The following ERCC8 variants were observed in gnomAD, a reference collection of about 807,000 sequenced individuals.
ERCC8 encodes the protein DNA excision repair protein ERCC-8.
In ERCC8, 52 loss-of-function variants were observed where a neutral mutation model predicts 54.9. That is an observed-to-expected ratio of 0.95 (90% CI 0.76 to 1.19). The LOEUF (loss-of-function observed/expected upper bound fraction) is 1.19, where lower values mean the gene tolerates loss of function less well. Ranked by LOEUF, ERCC8 falls within the 50% of genes most tolerant of loss-of-function variation. The pLI, the probability that ERCC8 is intolerant of heterozygous loss-of-function variation, is 0.00. For missense variants in ERCC8, 514 were observed against 466.1 expected (o/e 1.10, Z -0.95); for synonymous variants, 146 against 157.2 (o/e 0.93, Z 0.53).
In ERCC8 at chr5:60,870,396, G is replaced by A. The variant is rs1250973922; in HGVS notation, c.*4219C>T. Among the ~76,000 whole-genome samples, 1 of 144,960 alleles carries A rather than the reference G, an allele frequency of 6.9e-6. No individual in the cohort carries two copies. Among genetic ancestry groups the A allele is most frequent in the Non-Finnish European group, 1.5e-5 (1 of 67,196 alleles). On this transcript the variant is annotated 3_prime_UTR_variant, in exon 12 of 12. Coordinates refer to ENST00000676185, the MANE Select transcript of ERCC8 (RefSeq NM_000082.4). Reference sequence around the variant, plus strand: ...CGGTGGCTCACGCCTGTAAATCCCAGCACTTTGGGAGGCCGAGGCTGGTGG... The same window carrying A: ...CGGTGGCTCACGCCTGTAAATCCCAACACTTTGGGAGGCCGAGGCTGGTGG...
At chr5:60,883,697 G>C (rs552082103) in intron 11 of ERCC8, among the ~76,000 whole-genome samples, 16 of 152,158 alleles carry the variant, frequency 1.1e-4, no homozygotes, top group Non-Finnish European at 1.5e-4. Context: ...TGTATTGTGT[G>C]AATGTCAAAA....
intron 4 of ERCC8, among the ~76,000 whole-genome samples, chr5:60,907,088 T>C (rs969073585): frequency 6.6e-6 from 1 of 152,222 alleles, no homozygotes; most frequent in Non-Finnish European, 1.5e-5. Flanking sequence ...CATAAAAGAT[T>C]ATTCATTTCC....
At chr5:60,875,077 T>G (rs1407877571) in intron 11 of ERCC8, among the ~76,000 whole-genome samples, 1 of 152,224 alleles carries the variant, frequency 6.6e-6, no homozygotes, top group East Asian at 1.9e-4. Flanking sequence ...CAGTCTGACC[T>G]GACAGCCCAA....
At chr5:60,911,265 C>T (rs1383535389) in intron 4 of ERCC8, among the ~76,000 whole-genome samples, 7 of 151,852 alleles carry the variant, frequency 4.6e-5, no homozygotes, top group Admixed American at 3.9e-4. Flanking sequence ...TCTGTTGTGT[C>T]CTGACTTTTT....
intron 9 of ERCC8, chr5:60,893,606 G>A: frequency 4.8e-6 from 3 of 618,702 alleles, no homozygotes; most frequent in South Asian, 3.7e-5. Flanking sequence ...AGATAGGTTC[G>A]AATCCGCTTG....
At position 60,918,142 on chromosome 5, in the gene ERCC8, A is replaced by C. The variant is rs74405304; in HGVS notation, c.399+123T>G. On this transcript the variant is annotated intron_variant, in intron 4 of 11. Transcript: ENST00000676185. Reference sequence around the variant, plus strand: ...AACTCAAGTAGTCTAGCTCTTCTTAACCACTGTACTGCTTTCACATCTAAC... The same window carrying C: ...AACTCAAGTAGTCTAGCTCTTCTTACCCACTGTACTGCTTTCACATCTAAC... The C allele has an allele frequency of 7.0e-4, 551 of 783,624 alleles. 3 individuals are homozygous for C. In the African/African-American group the frequency reaches 8.4e-3, roughly 12 times the overall value. 48.5% of individuals were successfully genotyped at this position (783,624 alleles called of 1,614,324 possible).
At chr5:60,923,188 T>C (rs956336602) in intron 2 of ERCC8, among the ~76,000 whole-genome samples, 1 of 152,158 alleles carries the variant, frequency 6.6e-6, no homozygotes, top group African/African-American at 2.4e-5. Flanking sequence ...AGCTGGTCTA[T>C]TATATTGGTA....
chr5:60,925,571 G>A (rs1403712325), intron 2 of ERCC8, among the ~76,000 whole-genome samples: 1 of 152,148 alleles, frequency 6.6e-6, no homozygotes, highest in African/African-American at 2.4e-5. Flanking sequence ...TGGTTACTTT[G>A]GACTTATCCA....
At chr5:60,921,924 C>T (rs1013324142) in intron 3 of ERCC8, 130 bp downstream of exon 3, 4 of 538,100 alleles carry the variant, frequency 7.4e-6, no homozygotes, top group Admixed American at 6.3e-5. Flanking sequence ...CAAGGAACAG[C>T]CATGCAAATG....
chr5:60,937,013 C>T (rs192208161), intron 1 of ERCC8, among the ~76,000 whole-genome samples: 14 of 152,308 alleles, frequency 9.2e-5, no homozygotes, highest in African/African-American at 2.2e-4. Flanking sequence ...GTTGGGGCTT[C>T]CTGAGAGCCA....
intron 9 of ERCC8, chr5:60,892,920 C>T (rs920619952): frequency 5.9e-5 from 44 of 742,378 alleles, no homozygotes; most frequent in Non-Finnish European, 1.0e-4. Context: ...GATGTGGGTG[C>T]GCATTTCACC....
At position 60,867,081 on chromosome 5, in the gene ERCC8, C is replaced by T. The variant is rs1369919835; in HGVS notation, c.*7534G>A. 1 of 152,074 alleles carries T rather than the reference C, an allele frequency of 6.6e-6. No individual in the cohort carries two copies. Among genetic ancestry groups the T allele is most frequent in the Non-Finnish European group, 1.5e-5 (1 of 68,016 alleles). 9.4% of individuals were successfully genotyped at this position (152,074 alleles called of 1,614,324 possible). ...TCGATCTCCTGACCTCGTGATCCAT[C>T]CACCTCAGCCTCCCAAAGTGCTGGG... On this transcript the variant is annotated 3_prime_UTR_variant, in exon 12 of 12. Coordinates refer to ENST00000676185, the MANE Select transcript of ERCC8 (RefSeq NM_000082.4).
intron 11 of ERCC8, among the ~76,000 whole-genome samples, chr5:60,875,189 AT>A (rs1157064420): frequency 6.6e-6 from 1 of 152,204 alleles, no homozygotes; most frequent in Non-Finnish European, 1.5e-5. Flanking sequence ...GAATAATACC[AT>A]TTTTAGTCCA....
intron 11 of ERCC8, among the ~76,000 whole-genome samples, chr5:60,883,127 C>T (rs1363219113): frequency 6.6e-6 from 1 of 152,094 alleles, no homozygotes; most frequent in African/African-American, 2.4e-5. Flanking sequence ...CAAAATTATA[C>T]TTCATCATAA....
At chr5:60,938,092 T>A (rs1580051733) in intron 1 of ERCC8, among the ~76,000 whole-genome samples, 1 of 59,274 alleles carries the variant, frequency 1.7e-5, no homozygotes, top group Non-Finnish European at 4.4e-5. Flanking sequence ...TATATTTTAT[T>A]TTTTTTTTTT....
At chr5:60,884,508 T>C (rs1249739471) in intron 11 of ERCC8, among the ~76,000 whole-genome samples, 2 of 135,400 alleles carry the variant, frequency 1.5e-5, no homozygotes, top group African/African-American at 5.4e-5. Flanking sequence ...TATGTGTATG[T>C]ATATGTGTGT....
rs545028930 is a variant in ERCC8 at position 60,891,176 on chromosome 5, T to C, written c.844-90A>G. On this transcript the variant is annotated intron_variant, in intron 9 of 11. Coordinates refer to ENST00000676185, the MANE Select transcript of ERCC8 (RefSeq NM_000082.4). ...AGGAGAAATACTTAAAATATTATGC[T>C]ATAAAAAGGGCTCTTTTAAATTTAA... 1.4e-5 allele frequency: 12 copies of C among 862,582 alleles called. No homozygotes were observed. The South Asian group carries it at 1.6e-4, about 12-fold the overall frequency. 53.4% of individuals were successfully genotyped at this position (862,582 alleles called of 1,614,324 possible).
chr5:60,881,037 G>T (rs879001312), intron 11 of ERCC8, among the ~76,000 whole-genome samples: 1 of 152,058 alleles, frequency 6.6e-6, no homozygotes, highest in Non-Finnish European at 1.5e-5. Context: ...TACAGATGGG[G>T]TTTTGGTGTG....
intron 2 of ERCC8, among the ~76,000 whole-genome samples, chr5:60,923,756 T>G (rs1270493287): frequency 6.6e-6 from 1 of 152,118 alleles, no homozygotes; most frequent in Non-Finnish European, 1.5e-5. Context: ...GTGAATGTTA[T>G]TCCATTACAA....
Sources: gnomAD v4.1 joint callset for allele counts (sites outside exome capture counted in the v4.1 genomes callset) on GRCh38, gnomAD v4.1.1 for gene constraint, MANE v1.5 for transcripts, NCBI Gene and HGNC (gene_info 2026-07-23, HGNC 2026-07-21) for gene names.